Variants in FGGY observed in about 807,000 individuals in gnomAD.
FGGY encodes the protein FGGY carbohydrate kinase domain containing, also known as FGGY carbohydrate kinase domain-containing protein.
A neutral mutation model predicts 71.3 loss-of-function variants in FGGY; 72 were observed. The ratio of observed to expected loss-of-function variants is 1.01; its 90% CI spans 0.84 to 1.23. The LOEUF (loss-of-function observed/expected upper bound fraction) is 1.23. Among genes scored for constraint, FGGY ranks in the 50% most tolerant of loss-of-function variants. The pLI, the probability that FGGY is intolerant of heterozygous loss-of-function variation, is 0.00. For synonymous variants in FGGY, 251 were observed against 250.3 expected (o/e 1.00, Z -0.02); for missense variants, 668 against 682.3 (o/e 0.98, Z 0.23).
At chr1:59,592,795 G>T (rs1401234840) in intron 8 of FGGY, among the ~76,000 whole-genome samples, 1 of 136,082 alleles carries the variant, frequency 7.3e-6, no homozygotes, top group African/African-American at 3.0e-5. Context: ...TGGGGTGGGG[G>T]GACGGGGGAG....
intron 6 of FGGY, among the ~76,000 whole-genome samples, chr1:59,477,616 A>G (rs7533625): frequency 0.46 from 69,565 of 151,934 alleles, 16,133 homozygotes; most frequent in Middle Eastern, 0.55. Context: ...ACCTAGAAAG[A>G]CATTAAAAAT....
intron 7 of FGGY, among the ~76,000 whole-genome samples, chr1:59,530,470 G>A (rs2095111613): frequency 6.6e-6 from 1 of 152,110 alleles, no homozygotes; most frequent in Admixed American, 6.6e-5. Flanking sequence ...TGGACAAACA[G>A]GCAAGTAAGC....
chr1:59,572,727 A>T (rs1318169549), intron 8 of FGGY, among the ~76,000 whole-genome samples: 1 of 152,142 alleles, frequency 6.6e-6, no homozygotes, highest in African/African-American at 2.4e-5. Flanking sequence ...CCTTGGTGTG[A>T]AAACTGTTGA....
rs895946314 is a variant in FGGY at position 59,627,473 on chromosome 1, TATATATATATATATATAC to T, written c.1073+1426_1073+1443del. On this transcript the variant is annotated intron_variant, in intron 10 of 15. Coordinates refer to ENST00000303721, the MANE Select transcript of FGGY (RefSeq NM_018291.5). ...ATGATTTTATATATATATATATATA[TATATATATATATATATAC>T]ACACACACACACACACACAGCTGGA... Among the ~76,000 whole-genome samples the T allele has an allele frequency of 3.8e-5, 5 of 130,422 alleles. No homozygotes were observed. In the South Asian group the frequency reaches 7.2e-4, roughly 19 times the overall value. The allele number at this position is 130,422 out of a possible 152,430, so 85.6% of individuals were successfully genotyped here. A position where few individuals can be genotyped will look rare whatever the true frequency, so the allele number is the denominator to read the frequency against.
intron 8 of FGGY, among the ~76,000 whole-genome samples, chr1:59,588,311 C>T (rs1160197348): frequency 6.6e-6 from 1 of 151,996 alleles, no homozygotes; most frequent in East Asian, 1.9e-4. Context: ...ACCAAATCTA[C>T]GTCTGATTGG....
At chr1:59,546,807 A>C (rs931557323) in intron 7 of FGGY, among the ~76,000 whole-genome samples, 1 of 152,070 alleles carries the variant, frequency 6.6e-6, no homozygotes, top group Non-Finnish European at 1.5e-5. Context: ...GGCCTCCCAA[A>C]GTGCTGGGAT....
Position 59,321,648 on chromosome 1 carries a change from G to A in FGGY, c.99G>A (p.Leu33=). 1.2e-6 allele frequency: 2 copies of A among 1,613,588 alleles called. No individual in the cohort carries two copies. The highest frequency in any genetic ancestry group is 1.7e-6 in the Non-Finnish European group (2 of 1,179,716). The change falls in exon 2 of 16, where the codon CTG becomes CTA. Residue 33 remains leucine, a synonymous_variant. Transcript: ENST00000303721. ...RAALVDQSGV[L]LAFADQPIKN... is the part of the protein sequence containing the mutation. ...CTCTGGTGGACCAGAGTGGGGTCCT[G>A]TTGGCTTTTGCAGACCAGCCAATTA...
intron 5 of FGGY, among the ~76,000 whole-genome samples, chr1:59,390,369 A>T (rs989337469): frequency 6.6e-6 from 1 of 152,176 alleles, no homozygotes; most frequent in Non-Finnish European, 1.5e-5. Context: ...CATCAAGGAC[A>T]CTAGCTTTTT....
chr1:59,625,650 A>C (rs1438253282), intron 9 of FGGY, among the ~76,000 whole-genome samples: 4 of 152,104 alleles, frequency 2.6e-5, no homozygotes, highest in African/African-American at 9.7e-5. Flanking sequence ...GGTGCTTTTA[A>C]CACTCAGACC....
chr1:59,658,737 G>T (rs1266092561), intron 11 of FGGY, among the ~76,000 whole-genome samples: 1 of 152,188 alleles, frequency 6.6e-6, no homozygotes, highest in African/African-American at 2.4e-5. Flanking sequence ...ATGGAAAGGA[G>T]CACAATTAGA....
chr1:59,709,645 A>G (rs950264152), intron 14 of FGGY, among the ~76,000 whole-genome samples: 4 of 152,168 alleles, frequency 2.6e-5, no homozygotes, highest in Admixed American at 6.6e-5. Context: ...CGGAGGAAAC[A>G]TTTAGAGGCA....
chr1:59,693,393 T>C (rs2097612734), intron 14 of FGGY, among the ~76,000 whole-genome samples: 1 of 152,216 alleles, frequency 6.6e-6, no homozygotes, highest in African/African-American at 2.4e-5. Context: ...CAGTTACTCC[T>C]CTGTAAAATG....
At chr1:59,555,140 T>G (rs903866478) in intron 8 of FGGY, among the ~76,000 whole-genome samples, 4 of 152,214 alleles carry the variant, frequency 2.6e-5, no homozygotes, top group African/African-American at 9.7e-5. Context: ...GCTCTTGTGC[T>G]AAACTGTGGA....
intron 4 of FGGY, among the ~76,000 whole-genome samples, chr1:59,372,648 C>T (rs1277066949): frequency 6.6e-6 from 1 of 152,050 alleles, no homozygotes; most frequent in Admixed American, 6.6e-5. Flanking sequence ...AACATTGATG[C>T]AAAAATCCTC....
At chr1:59,397,932 A>G (rs1470287046) in intron 5 of FGGY, among the ~76,000 whole-genome samples, 1 of 152,180 alleles carries the variant, frequency 6.6e-6, no homozygotes, top group Non-Finnish European at 1.5e-5. Context: ...CTACTCAGTC[A>G]GGTCTGACCT....
Position 59,380,693 on chromosome 1 carries a change from T to C in FGGY, c.554+1856T>C, listed in dbSNP as rs185165451. On this transcript the variant is annotated intron_variant, in intron 5 of 15. Transcript: ENST00000303721. The stretch of plus-strand genomic sequence containing the variant: ...GTTCTTTGTAGATTCTGGATATTAG[T>C]CCTTTGTCAGATGAGTAGATTGCAA... Among the ~76,000 whole-genome samples, 24 of 151,684 alleles carry C rather than the reference T, an allele frequency of 1.6e-4. 1 individual carries two copies. Among genetic ancestry groups the C allele is most frequent in the African/African-American group, 4.6e-4 (19 of 40,964 alleles).
chr1:59,746,977 A>G (rs2098203496), intron 14 of FGGY, among the ~76,000 whole-genome samples: 1 of 152,206 alleles, frequency 6.6e-6, no homozygotes, highest in Non-Finnish European at 1.5e-5. Flanking sequence ...AACGTATTTA[A>G]TAATATAGTG....
intron 6 of FGGY, among the ~76,000 whole-genome samples, chr1:59,488,962 T>C (rs1292358308): frequency 6.6e-6 from 1 of 152,146 alleles, no homozygotes; most frequent in Non-Finnish European, 1.5e-5. Flanking sequence ...CTTTCTGTTT[T>C]AATTTCTATC....
chr1:59,515,264 T>G (rs992922058), intron 7 of FGGY, among the ~76,000 whole-genome samples: 2 of 152,110 alleles, frequency 1.3e-5, no homozygotes, highest in African/African-American at 4.8e-5. Context: ...GCCCTGAAAC[T>G]CCTTTGTTTT....
Sources: gnomAD v4.1 joint callset for allele counts (sites outside exome capture counted in the v4.1 genomes callset) on GRCh38, gnomAD v4.1.1 for gene constraint, MANE v1.5 for transcripts, NCBI Gene and HGNC (gene_info 2026-07-23, HGNC 2026-07-21) for gene names.